ARHGEF10: variants seen among roughly 807,000 people sequenced by gnomAD.
ARHGEF10 encodes the protein Rho guanine nucleotide exchange factor 10.
ARHGEF10 carries 140 observed loss-of-function variants against 147.4 expected under a neutral mutation model. The observed-to-expected ratio is 0.95, with a 90% CI of 0.83 to 1.09. ARHGEF10 has a LOEUF of 1.09. ARHGEF10 is among the 50% of genes least tolerant of loss of function. ARHGEF10 has a pLI of 0.00. For missense variants in ARHGEF10, 2,222 were observed against 1,752.7 expected (o/e 1.27, Z -4.78); for synonymous variants, 902 against 695.8 (o/e 1.30, Z -4.67).
Position 1,856,954 on chromosome 8 carries a change from A to G in ARHGEF10, c.38-1006A>G, listed in dbSNP as rs113560949. Among the ~76,000 whole-genome samples the G allele has an allele frequency of 3.1e-3, 479 of 152,136 alleles. 2 individuals are homozygous for G. Among genetic ancestry groups the G allele is most frequent in the African/African-American group, 0.011 (457 of 41,504 alleles). ...GGTCTCCTCTGGAAAAAGGAGAAGC[A>G]CCTGTCTGCTCTGATGGTGGCACAC... On this transcript the variant is annotated intron_variant, in intron 2 of 28. Coordinates refer to ENST00000349830, the MANE Select transcript of ARHGEF10 (RefSeq NM_014629.4).
chr8:1,885,746 G>C (rs1372180248), intron 11 of ARHGEF10, 39 bp downstream of exon 11: 1 of 1,442,666 alleles, frequency 6.9e-7, no homozygotes, highest in Non-Finnish European at 9.8e-7. Flanking sequence ...TTGACCAGCA[G>C]AGCTGTGCTA....
chr8:1,944,801 C>T (rs1196768935), intron 26 of ARHGEF10, among the ~76,000 whole-genome samples: 2 of 152,238 alleles, frequency 1.3e-5, no homozygotes, highest in Non-Finnish European at 2.9e-5. Flanking sequence ...GGGGGCAGTC[C>T]TCCTGGGACT....
chr8:1,844,369 A>C, intron 2 of ARHGEF10, among the ~76,000 whole-genome samples: 1 of 152,090 alleles, frequency 6.6e-6, no homozygotes, highest in Non-Finnish European at 1.5e-5. Context: ...AAGACAGGAG[A>C]ATCCAGGGGT....
chr8:1,923,897 T>C, intron 21 of ARHGEF10, 23 bp downstream of exon 21: 1 of 1,607,618 alleles, frequency 6.2e-7, no homozygotes, highest in South Asian at 1.1e-5. Context: ...TGGCTGAGGC[T>C]GAATGAGGCA....
At chr8:1,903,543 C>A in intron 16 of ARHGEF10, 92 bp downstream of exon 16, 1 of 1,517,056 alleles carries the variant, frequency 6.6e-7, no homozygotes, top group Non-Finnish European at 9.0e-7. Context: ...TCTTTTGGAT[C>A]GTTTGGAGTA....
chr8:1,859,238 C>T (rs112784459), intron 3 of ARHGEF10, among the ~76,000 whole-genome samples: 16 of 150,702 alleles, frequency 1.1e-4, no homozygotes, highest in African/African-American at 3.4e-4. Flanking sequence ...CGGTTGTTTG[C>T]CCGGTGTTTC....
chr8:1,845,983 G>A (rs1214239225), intron 2 of ARHGEF10, among the ~76,000 whole-genome samples: 1 of 152,194 alleles, frequency 6.6e-6, no homozygotes, highest in African/African-American at 2.4e-5. Flanking sequence ...ACAGGTCCAC[G>A]CCCTCTGGGT....
At chr8:1,864,771 G>A (rs949611897) in intron 5 of ARHGEF10, among the ~76,000 whole-genome samples, 4 of 152,184 alleles carry the variant, frequency 2.6e-5, no homozygotes, top group Non-Finnish European at 5.9e-5. Context: ...AGCGTCCCCC[G>A]TGAAACCGCC....
intron 8 of ARHGEF10, 95 bp from the exon 9 acceptor site, chr8:1,879,953 A>T: frequency 1.1e-6 from 1 of 883,340 alleles, no homozygotes; most frequent in Non-Finnish European, 1.9e-6. Context: ...CTGATGTGCC[A>T]CTGCAGACGC....
At chr8:1,914,669 C>T (rs1409346619) in intron 18 of ARHGEF10, among the ~76,000 whole-genome samples, 1 of 152,204 alleles carries the variant, frequency 6.6e-6, no homozygotes, top group African/African-American at 2.4e-5. Flanking sequence ...TGCCTCTGTG[C>T]TCCATTGCTG....
intron 18 of ARHGEF10, among the ~76,000 whole-genome samples, chr8:1,913,688 G>A (rs1265316174): frequency 6.6e-6 from 1 of 152,178 alleles, no homozygotes; most frequent in Non-Finnish European, 1.5e-5. Context: ...GCCTCCCTGT[G>A]TGTTCTCAGA....
chr8:1,903,926 T>G, intron 16 of ARHGEF10: 1 of 197,288 alleles, frequency 5.1e-6, no homozygotes, highest in Non-Finnish European at 1.0e-5. Context: ...AGAACCCATA[T>G]CTAAAAAAAG....
chr8:1,862,650 G>A (rs900793044), intron 4 of ARHGEF10, among the ~76,000 whole-genome samples: 1 of 152,210 alleles, frequency 6.6e-6, no homozygotes, highest in Non-Finnish European at 1.5e-5. Context: ...CACCCCCGTG[G>A]GGGAGACATT....
chr8:1,860,767 T>TA (rs1329340978), intron 4 of ARHGEF10, among the ~76,000 whole-genome samples: 3 of 152,184 alleles, frequency 2.0e-5, no homozygotes, highest in African/African-American at 7.2e-5. Flanking sequence ...CTGTATGACT[T>TA]ACTGTGCTAG....
intron 17 of ARHGEF10, 28 bp from the exon 18 acceptor site, chr8:1,909,267 T>C (rs1179102038): frequency 6.2e-7 from 1 of 1,614,224 alleles, no homozygotes; most frequent in East Asian, 2.2e-5. Context: ...TAATTATTCG[T>C]AAAACAAGGA....
At chr8:1,895,933 G>A (rs1310682122) in intron 13 of ARHGEF10, among the ~76,000 whole-genome samples, 1 of 152,148 alleles carries the variant, frequency 6.6e-6, no homozygotes. Flanking sequence ...TGTGGTTGAG[G>A]CCTGTTTCTC....
intron 25 of ARHGEF10, among the ~76,000 whole-genome samples, chr8:1,931,518 G>C (rs977998838): frequency 1.3e-5 from 2 of 152,096 alleles, no homozygotes; most frequent in African/African-American, 2.4e-5. Context: ...GTGTCTCTTC[G>C]CATCTTTCTC....
rs879615020 is a variant in ARHGEF10, at chr8:1,850,044, TGCTGAGGAGGGCGTGGGCC to T, written c.37+6610_37+6628del. On this transcript the variant is annotated intron_variant, in intron 2 of 28. Transcript: ENST00000349830. The stretch of plus-strand genomic sequence containing the variant: ...CGGCTGCATGGACACAGAGGGCAAA[TGCTGAGGAGGGCGTGGGCC>T]GGCTGCGTGGACACAGAGGGCAAAT... 8.2e-3 allele frequency among the ~76,000 whole-genome samples: 787 copies of T among 95,434 alleles called. 5 individuals carry two copies. The highest frequency in any genetic ancestry group is 0.019 in the African/African-American group (477 of 25,180). The allele number at this position is 95,434 out of a possible 152,430, so 62.6% of individuals were successfully genotyped here.
chr8:1,841,962 A>AGGCG (rs1563161841), intron 1 of ARHGEF10, among the ~76,000 whole-genome samples: 8 of 31,820 alleles, frequency 2.5e-4, no homozygotes, highest in Admixed American at 6.6e-4. Flanking sequence ...TGGGGCCGCG[A>AGGCG]CCGGAACTGG....
Sources: gnomAD v4.1 joint callset for allele counts (sites outside exome capture counted in the v4.1 genomes callset) on GRCh38, gnomAD v4.1.1 for gene constraint, MANE v1.5 for transcripts, NCBI Gene and HGNC (gene_info 2026-07-23, HGNC 2026-07-21) for gene names.